Variants in CXXC5 observed in about 807,000 individuals in gnomAD.
CXXC5 encodes the protein CXXC-type zinc finger protein 5.
CXXC5 carries 2 observed loss-of-function variants against 17.6 expected under a neutral mutation model. The ratio of observed to expected loss-of-function variants is 0.11; its 90% CI spans 0.05 to 0.36. The LOEUF is 0.36. Among genes scored for constraint, CXXC5 ranks in the 10% least tolerant of loss-of-function variants. CXXC5 has a pLI of 1.00. For synonymous variants in CXXC5, 171 were observed against 193.0 expected, an observed-to-expected ratio of 0.89 and a Z score of 0.94; for missense variants, 343 against 458.3, an observed-to-expected ratio of 0.75 and a Z score of 2.30.
rs1309097607 is a variant in CXXC5, at chr5:139,670,141, T to C, written c.-160-10223T>C. Among the ~76,000 whole-genome samples, 1 of 152,176 alleles carries C rather than the reference T, an allele frequency of 6.6e-6. No individual in the cohort carries two copies. The highest frequency in any genetic ancestry group is 2.4e-5 in the African/African-American group (1 of 41,436). On this transcript the variant is annotated intron_variant, in intron 1 of 2. Transcript: ENST00000302517. The surrounding 1 kb of genome is among the most constrained non-coding windows in gnomAD (Gnocchi z 4.2). The stretch of plus-strand genomic sequence containing the variant: ...CATGGCCCCTCTCGCCTCATTATTT[T>C]TGTGTTCCGGGGCTGCGGCGACACC...
intron 1 of CXXC5, among the ~76,000 whole-genome samples, chr5:139,654,596 A>T (rs760125258): frequency 6.6e-5 from 10 of 152,130 alleles, no homozygotes; most frequent in African/African-American, 4.8e-5. Context: ...CACACCTCGC[A>T]CTTCTGTCTC....
chr5:139,655,439 C>T (rs1415713686), intron 1 of CXXC5, among the ~76,000 whole-genome samples: 10 of 150,776 alleles, frequency 6.6e-5, no homozygotes, highest in South Asian at 2.1e-4. Context: ...TGCCACCCCC[C>T]GCCGCCCCCC....
chr5:139,681,521 AC>A (rs1461299340), intron 2 of CXXC5, 74 bp downstream of exon 2: 4 of 1,492,024 alleles, frequency 2.7e-6, no homozygotes, highest in Non-Finnish European at 3.6e-6. Flanking sequence ...CCATCCCCTG[AC>A]CCCACTTTTC....
rs371304790 is a variant in CXXC5 at position 139,677,214 on chromosome 5, G to A, written c.-160-3150G>A. ...GGCAGGGCCGATGATGGATGCGCCC[G>A]CCGCCGCCCGCCTGCCCGCCAGCTT... On this transcript the variant is annotated intron_variant, in intron 1 of 2. Coordinates refer to ENST00000302517, the MANE Select transcript of CXXC5 (RefSeq NM_016463.9). 5.1e-4 allele frequency among the ~76,000 whole-genome samples: 77 copies of A among 151,908 alleles called. 1 individual carries two copies. The East Asian group carries it at 9.5e-3, about 19-fold the overall frequency.
chr5:139,675,097 T>C (rs1756706364), intron 1 of CXXC5, among the ~76,000 whole-genome samples: 1 of 152,224 alleles, frequency 6.6e-6, no homozygotes, highest in Admixed American at 6.5e-5. Flanking sequence ...GCCCAGCTCC[T>C]GTGCACTCCT....
chr5:139,681,006 G>T lies in CXXC5; in HGVS notation c.483G>T (p.Thr161=). 6.2e-7 allele frequency: 1 copy of T among 1,605,494 alleles called. No homozygotes were observed. The highest frequency in any genetic ancestry group is 1.3e-5 in the African/African-American group (1 of 75,068). The part of the protein sequence containing the change: ...ATELAAEGQL[T]LQQFAQSTEM... ...AGCTGGCAGCCGAGGGACAGCTGAC[G>T]CTGCAGCAGTTTGCGCAGTCCACAG... The change falls in exon 2 of 3, where the codon ACG becomes ACT. Residue 161 remains threonine (T), a synonymous_variant. Coordinates refer to ENST00000302517, the MANE Select transcript of CXXC5 (RefSeq NM_016463.9).
At chr5:139,682,038 C>G (rs1012192369) in intron 2 of CXXC5, among the ~76,000 whole-genome samples, 4 of 152,098 alleles carry the variant, frequency 2.6e-5, no homozygotes, top group South Asian at 2.1e-4. Flanking sequence ...GGGAGGTGAC[C>G]ATGAGCCCGG....
rs983444474 is a variant in CXXC5, at chr5:139,670,267, C to T, written c.-160-10097C>T. Among the ~76,000 whole-genome samples, 11 of 152,232 alleles carry T rather than the reference C, an allele frequency of 7.2e-5. No homozygotes were observed. Among genetic ancestry groups the T allele is most frequent in the African/African-American group, 1.9e-4 (8 of 41,458 alleles). Reference sequence around the variant, plus strand: ...GGCTTTTGTTTTCCAGTTTTTTCCACGCTCAGGCCAGGCAGGCGGGTAGAC... The same window carrying T: ...GGCTTTTGTTTTCCAGTTTTTTCCATGCTCAGGCCAGGCAGGCGGGTAGAC... On this transcript the variant is annotated intron_variant, in intron 1 of 2. Coordinates refer to ENST00000302517, the MANE Select transcript of CXXC5 (RefSeq NM_016463.9). This position sits in a 1 kb window ranked among gnomAD's most constrained non-coding sequence, Gnocchi z 4.2.
Position 139,683,168 on chromosome 5 carries a change from A to G in CXXC5, c.*261A>G, listed in dbSNP as rs556486242. The G allele has an allele frequency of 1.2e-5, 4 of 343,814 alleles. No homozygotes were observed. Among genetic ancestry groups the G allele is most frequent in the East Asian group, 9.1e-5 (2 of 21,938 alleles). The allele number at this position is 343,814 out of a possible 1,614,324, so 21.3% of individuals were successfully genotyped here. On this transcript the variant is annotated 3_prime_UTR_variant, in exon 3 of 3. Transcript: ENST00000302517. ...ACAAAAAAGAGGTAAAGACGAATCTATAAAGTACCGAGACTTCCTGGGCAA... is the reference window on the plus strand; with the variant it reads ...ACAAAAAAGAGGTAAAGACGAATCTGTAAAGTACCGAGACTTCCTGGGCAA...
At position 139,658,253 on chromosome 5, in the gene CXXC5, G is replaced by C. The variant is rs1755598342; in HGVS notation, c.-161+9408G>C. ...AGAATTTCTTAGTCATGGGAGTCTA[G>C]AATCATAGATAGAATGCTTGGAATG... On this transcript the variant is annotated intron_variant, in intron 1 of 2. Coordinates refer to ENST00000302517, the MANE Select transcript of CXXC5 (RefSeq NM_016463.9). The surrounding 1 kb of genome is among the most constrained non-coding windows in gnomAD (Gnocchi z 4.1). 6.6e-6 allele frequency among the ~76,000 whole-genome samples: 1 copy of C among 152,202 alleles called. No individual in the cohort carries two copies. Among genetic ancestry groups the C allele is most frequent in the African/African-American group, 2.4e-5 (1 of 41,446 alleles).
intron 1 of CXXC5, among the ~76,000 whole-genome samples, chr5:139,674,314 C>G (rs765765172): frequency 1.3e-5 from 2 of 152,214 alleles, no homozygotes; most frequent in African/African-American, 2.4e-5. Flanking sequence ...AGCCTGTGGT[C>G]TGCTTTGCCC....
intron 1 of CXXC5, chr5:139,650,948 T>C (rs1755140723): frequency 6.6e-6 from 1 of 151,986 alleles, no homozygotes; most frequent in Non-Finnish European, 1.5e-5. Flanking sequence ...AGAACGGAAA[T>C]TGTCCTCTCC....
At chr5:139,666,762 C>G (rs1370679161) in intron 1 of CXXC5, among the ~76,000 whole-genome samples, 4 of 152,222 alleles carry the variant, frequency 2.6e-5, no homozygotes, top group African/African-American at 4.8e-5. Flanking sequence ...GGTGCTGGCT[C>G]TGGCGCAGGC....
chr5:139,680,349 A>G lies in CXXC5; in HGVS notation c.-160-15A>G, dbSNP rs540181962. ...GTGTTCACTGCTGCCCTGACCCTGTATCCTCTTGTGACAGAGTGAAGACAT... is the reference window on the plus strand; with the variant it reads ...GTGTTCACTGCTGCCCTGACCCTGTGTCCTCTTGTGACAGAGTGAAGACAT... On this transcript the variant is annotated splice_polypyrimidine_tract_variant and intron_variant, in intron 1 of 2. Transcript: ENST00000302517. The G allele has an allele frequency of 6.4e-5, 57 of 894,948 alleles. No individual in the cohort carries two copies. The African/African-American group carries it at 8.9e-4, about 14-fold the overall frequency. The allele number at this position is 894,948 out of a possible 1,614,324, so 55.4% of individuals were successfully genotyped here. A position where few individuals can be genotyped will look rare whatever the true frequency, so the allele number is the denominator to read the frequency against.
Position 139,678,992 on chromosome 5 carries a change from C to T in CXXC5, c.-160-1372C>T, listed in dbSNP as rs559019475. On this transcript the variant is annotated intron_variant, in intron 1 of 2. Transcript: ENST00000302517. ...TTCAGCTGAGGAGGCAGCTCAGACG[C>T]CTTAGCCTTGAAACCTGAGTAGAGC... Among the ~76,000 whole-genome samples the T allele has an allele frequency of 6.6e-5, 10 of 152,348 alleles. No individual in the cohort carries two copies. In the East Asian group the frequency reaches 1.9e-3, roughly 29 times the overall value.
chr5:139,658,494 C>A lies in CXXC5; in HGVS notation c.-161+9649C>A, dbSNP rs922813694. ...CTGGGACAGAAATACCTGTTCTGCC[C>A]CTAGCCAGCCCCTCTCTGGAGCTCT... is the stretch of plus-strand genomic sequence containing the variant. On this transcript the variant is annotated intron_variant, in intron 1 of 2. Coordinates refer to ENST00000302517, the MANE Select transcript of CXXC5 (RefSeq NM_016463.9). This position sits in a 1 kb window ranked among gnomAD's most constrained non-coding sequence, Gnocchi z 4.1. 6.6e-6 allele frequency among the ~76,000 whole-genome samples: 1 copy of A among 152,006 alleles called. No individual in the cohort carries two copies. Among genetic ancestry groups the A allele is most frequent in the Non-Finnish European group, 1.5e-5 (1 of 67,974 alleles).
intron 1 of CXXC5, 30 bp downstream of exon 1, chr5:139,648,875 C>T (rs1264506495): frequency 6.6e-6 from 1 of 151,664 alleles, no homozygotes; most frequent in Non-Finnish European, 1.5e-5. Context: ...CCTCCCTCGA[C>T]CCCCCCCGGA....
At chr5:139,664,404 T>C (rs1275480160) in intron 1 of CXXC5, among the ~76,000 whole-genome samples, 1 of 152,156 alleles carries the variant, frequency 6.6e-6, no homozygotes, top group East Asian at 1.9e-4. Context: ...GCAAGTGCCC[T>C]TGAGCTGGCA....
chr5:139,677,232 G>A (rs1254184071), intron 1 of CXXC5, among the ~76,000 whole-genome samples: 5 of 151,926 alleles, frequency 3.3e-5, no homozygotes, highest in Admixed American at 6.6e-5. Flanking sequence ...CCGCCTGCCC[G>A]CCAGCTTTCC....
Sources: allele counts gnomAD v4.1 joint callset (sites outside exome capture counted in the v4.1 genomes callset), GRCh38; gene constraint gnomAD v4.1.1; non-coding constraint Gnocchi (gnomAD v3.1); transcripts MANE v1.5; gene names NCBI Gene and HGNC (gene_info 2026-07-23, HGNC 2026-07-21).